The following USP35 variants were observed in gnomAD, a reference collection of about 807,000 sequenced individuals.
USP35 encodes ubiquitin carboxyl-terminal hydrolase 35.
Under a neutral mutation model 83.8 loss-of-function variants are expected in USP35, and 69 were observed. The ratio of observed to expected loss-of-function variants is 0.82; its 90% CI spans 0.68 to 1.01. USP35 has a LOEUF of 1.01. Among genes scored for constraint, USP35 ranks in the 50% least tolerant of loss-of-function variants. The pLI is 0.00. For synonymous variants in USP35, 714 were observed against 589.5 expected (o/e 1.21, Z -3.06); for missense variants, 1,503 against 1,362.5 (o/e 1.10, Z -1.62).
At chr11:78,224,898 C>T in the USP35 span, among the ~76,000 whole-genome samples, 1 of 152,048 alleles carries the variant, frequency 6.6e-6, no homozygotes, top group Non-Finnish European at 1.5e-5. Context: ...ATCCAGTCTA[C>T]CTTAGCACAT....
intron 6 of USP35, 82 bp downstream of exon 6, chr11:78,200,890 C>T: frequency 4.0e-6 from 6 of 1,502,188 alleles, no homozygotes; most frequent in Non-Finnish European, 4.5e-6. Context: ...CATACCACAG[C>T]TTGGTGGCAG....
intron 2 of USP35, 114 bp from the exon 3 acceptor site, chr11:78,197,822 G>A: frequency 2.1e-6 from 3 of 1,428,430 alleles, no homozygotes; most frequent in Middle Eastern, 2.5e-4. Flanking sequence ...GGTGGCCTCT[G>A]CTGTGCTCTT....
chr11:78,210,369 T>G lies in USP35; in HGVS notation c.2514T>G (p.Ala838=). 1 of 1,613,626 alleles carries G rather than the reference T, an allele frequency of 6.2e-7. No individual in the cohort carries two copies. Among genetic ancestry groups the G allele is most frequent in the Non-Finnish European group, 8.5e-7 (1 of 1,179,936 alleles). ...CCCTGCTGCTCCGCCTGCCACTGGC[T>G]GGTGGCCGTGGCCAGGCCTATGACC... ...SIPLLLRLPL[A]GGRGQAYDLC... is the part of the protein sequence containing the mutation. Residue 838 remains alanine, a synonymous_variant, in exon 10 of 11, where the codon GCT becomes GCG. Transcript: ENST00000529308.
intron 6 of USP35, among the ~76,000 whole-genome samples, chr11:78,202,629 T>TC (rs35261197): frequency 0.16 from 24,777 of 152,108 alleles, 2,600 homozygotes; most frequent in East Asian, 0.42. Context: ...AAACAAAACT[T>TC]CCGTTATTTA....
In USP35 at chr11:78,213,795, C is replaced by T. The variant is rs971904617; in HGVS notation, c.3039C>T (p.Phe1013=). ...CNPAGGNGGD[F]HRLVF ...CTGCAGGTGGCAATGGTGGTGACTT[C>T]CACAGACTGGTCTTCTAATGTGAAC... is the stretch of plus-strand genomic sequence containing the variant. Residue 1013 remains phenylalanine, a synonymous_variant, in exon 11 of 11, where the codon TTC becomes TTT. Transcript: ENST00000529308. 1.3e-6 allele frequency: 2 copies of T among 1,553,410 alleles called. No individual in the cohort carries two copies. Among genetic ancestry groups the T allele is most frequent in the Non-Finnish European group, 1.7e-6 (2 of 1,157,462 alleles).
chr11:78,230,872 G>A, the USP35 span, among the ~76,000 whole-genome samples: 2 of 152,194 alleles, frequency 1.3e-5, no homozygotes, highest in African/African-American at 4.8e-5. Flanking sequence ...CAGTCTTATG[G>A]CCTTTAGTAT....
chr11:78,236,311 T>G, the USP35 span, among the ~76,000 whole-genome samples: 45 of 152,360 alleles, frequency 3.0e-4, no homozygotes, highest in East Asian at 8.3e-3. Flanking sequence ...CTAAACTCAC[T>G]TAAAAATTTT....
intron 9 of USP35, 148 bp from the exon 10 acceptor site, chr11:78,209,300 G>A (rs1211662554): frequency 9.6e-5 from 81 of 844,178 alleles, no homozygotes; most frequent in East Asian, 2.7e-5. Flanking sequence ...GAGCATGTAC[G>A]TGGATGTGTG....
intron 1 of USP35, among the ~76,000 whole-genome samples, chr11:78,190,257 T>C (rs1035919827): frequency 2.6e-5 from 4 of 151,976 alleles, no homozygotes; most frequent in Non-Finnish European, 5.9e-5. Flanking sequence ...TTTTGTTTTG[T>C]TTTTGTTTTG....
intron 10 of USP35, among the ~76,000 whole-genome samples, chr11:78,211,607 C>T (rs182457455): frequency 9.3e-4 from 142 of 152,310 alleles, no homozygotes; most frequent in African/African-American, 2.9e-3. Context: ...GCAACCTCAC[C>T]AGCATATGTT....
the USP35 span, chr11:78,220,489 C>G: frequency 2.0e-6 from 3 of 1,523,332 alleles, 1 homozygote; most frequent in East Asian, 7.0e-5. Flanking sequence ...AGAAAACAGA[C>G]TAACCCACCA....
At chr11:78,223,802 GA>G in the USP35 span, 5 of 797,600 alleles carry the variant, frequency 6.3e-6, no homozygotes, top group Non-Finnish European at 1.0e-5. Flanking sequence ...AGCTGTAAGG[GA>G]GACCTTGGGG....
Position 78,213,835 on chromosome 11 carries a change from A to C in USP35, c.*22A>C. ...CTAATGTGAACCTGCTGCCAACCTG[A>C]CCCCTTCCCTCCAGGAGCCAGGTAG... On this transcript the variant is annotated 3_prime_UTR_variant, in exon 11 of 11. Coordinates refer to ENST00000529308, the MANE Select transcript of USP35 (RefSeq NM_020798.4). 2 of 1,535,070 alleles carry C rather than the reference A, an allele frequency of 1.3e-6. No homozygotes were observed. Among genetic ancestry groups the C allele is most frequent in the Admixed American group, 2.4e-5 (1 of 41,498 alleles).
chr11:78,224,159 A>G, the USP35 span, among the ~76,000 whole-genome samples: 2 of 152,216 alleles, frequency 1.3e-5, no homozygotes, highest in Non-Finnish European at 2.9e-5. Flanking sequence ...TCAAGCCTTC[A>G]CGATCCTTTG....
At chr11:78,199,472 G>A in intron 3 of USP35, 123 bp from the exon 4 acceptor site, 2 of 1,447,522 alleles carry the variant, frequency 1.4e-6, no homozygotes, top group Admixed American at 3.7e-5. Flanking sequence ...AGACCCCGGG[G>A]CTGCCCTTTG....
At chr11:78,227,082 G>T in the USP35 span, 1 of 1,443,814 alleles carries the variant, frequency 6.9e-7, no homozygotes, top group Non-Finnish European at 9.6e-7. Flanking sequence ...AGGGCAGGAG[G>T]GTGAGACAAT....
At chr11:78,224,989 G>A in the USP35 span, 155 of 664,288 alleles carry the variant, frequency 2.3e-4, no homozygotes, top group Admixed American at 5.9e-4. Context: ...CAAGAACTTG[G>A]GCAGGGTCCT....
intron 10 of USP35, among the ~76,000 whole-genome samples, chr11:78,213,033 A>C (rs879709439): frequency 2.6e-4 from 39 of 152,200 alleles, no homozygotes; most frequent in Admixed American, 5.9e-4. Context: ...GATGGGTGCC[A>C]GTGCCTGGAG....
chr11:78,217,151 CCT>C (rs1481728655), downstream of USP35: 2 of 152,508 alleles, frequency 1.3e-5, no homozygotes, highest in Non-Finnish European at 1.5e-5. Context: ...CCCACTCCTG[CCT>C]CTGACACCAA....
Sources: gnomAD v4.1 joint callset for allele counts (sites outside exome capture counted in the v4.1 genomes callset) on GRCh38, gnomAD v4.1.1 for gene constraint, MANE v1.5 for transcripts, NCBI Gene and HGNC (gene_info 2026-07-23, HGNC 2026-07-21) for gene names.